SUFU: variants seen among roughly 807,000 people sequenced by gnomAD.
The protein encoded by SUFU is SUFU negative regulator of hedgehog signaling, also known as suppressor of fused homolog.
In SUFU, 7 loss-of-function variants were observed where a neutral mutation model predicts 58.9. The observed-to-expected ratio is 0.12, with a 90% CI of 0.07 to 0.22. The LOEUF (loss-of-function observed/expected upper bound fraction) is 0.22, where lower values mean the gene tolerates loss of function less well. Among genes scored for constraint, SUFU ranks in the 10% least tolerant of loss-of-function variants. SUFU has a pLI of 1.00. For missense variants in SUFU, 451 were observed against 641.3 expected, an observed-to-expected ratio of 0.70 and a Z score of 3.20; for synonymous variants, 232 against 254.8, an observed-to-expected ratio of 0.91 and a Z score of 0.85.
At position 102,617,161 on chromosome 10, in the gene SUFU, C is replaced by A; in HGVS notation, c.1158-129C>A. 8.5e-7 allele frequency: 1 copy of A among 1,175,428 alleles called. No homozygotes were observed. Among genetic ancestry groups the A allele is most frequent in the Non-Finnish European group, 1.2e-6 (1 of 802,434 alleles). The allele number at this position is 1,175,428 out of a possible 1,614,324, so 72.8% of individuals were successfully genotyped here. A position where few individuals can be genotyped will look rare whatever the true frequency, so the allele number is the denominator to read the frequency against. On this transcript the variant is annotated intron_variant, in intron 9 of 11. Transcript: ENST00000369902. This position sits in a 1 kb window ranked among gnomAD's most constrained non-coding sequence, Gnocchi z 4.4. Reference sequence around the variant, plus strand: ...AGTCCCCTGTTGATGGGCAGGTGGGCAGCCAGGAGGGCATGTTACCTGGCC... The same window carrying A: ...AGTCCCCTGTTGATGGGCAGGTGGGAAGCCAGGAGGGCATGTTACCTGGCC...
intron 2 of SUFU, among the ~76,000 whole-genome samples, chr10:102,542,806 G>C (rs934257430): frequency 2.6e-5 from 4 of 151,868 alleles, no homozygotes; most frequent in African/African-American, 9.7e-5. Flanking sequence ...TGTACTTTTT[G>C]TGGAGGCAAG....
intron 10 of SUFU, among the ~76,000 whole-genome samples, chr10:102,620,730 C>G (rs1044443331): frequency 6.6e-6 from 1 of 152,172 alleles, no homozygotes; most frequent in Non-Finnish European, 1.5e-5. Flanking sequence ...CCCAGCATTC[C>G]TCATCCTGGT....
At chr10:102,556,736 CAAA>C (rs763209229) in intron 3 of SUFU, among the ~76,000 whole-genome samples, 1 of 61,640 alleles carries the variant, frequency 1.6e-5, no homozygotes. Context: ...GAGTGAGACT[CAAA>C]AAAAAAAAAA....
chr10:102,566,566 C>A (rs191654846), intron 3 of SUFU, among the ~76,000 whole-genome samples: 1 of 152,120 alleles, frequency 6.6e-6, no homozygotes, highest in Non-Finnish European at 1.5e-5. Flanking sequence ...AGTTCTAGAC[C>A]AGCCTGGCCA....
At position 102,627,194 on chromosome 10, in the gene SUFU, T is replaced by G. The variant is rs778975698; in HGVS notation, c.1316T>G (p.Phe439Cys). ...PWLQILLTEE[F>C]VEKMLEDLED... Reference sequence around the variant, plus strand: ...TCACAGATTCTGTTGACCGAAGAGTTTGTAGAGAAAATGTTGGAGGATTTA... The same window carrying G: ...TCACAGATTCTGTTGACCGAAGAGTGTGTAGAGAAAATGTTGGAGGATTTA... Residue 439 changes from phenylalanine to cysteine, a missense_variant, in exon 11 of 12, where the codon TTT becomes TGT. By Grantham distance (205) the Phe-to-Cys change is radical (BLOSUM62 -2). Coordinates refer to ENST00000369902, the MANE Select transcript of SUFU (RefSeq NM_016169.4). 6.2e-7 allele frequency: 1 copy of G among 1,614,190 alleles called. No homozygotes were observed. The highest frequency in any genetic ancestry group is 1.7e-5 in the Admixed American group (1 of 60,022).
chr10:102,530,636 T>G (rs542810423), intron 2 of SUFU, among the ~76,000 whole-genome samples: 1 of 151,570 alleles, frequency 6.6e-6, no homozygotes. Context: ...AAATTTTTTA[T>G]AGAGATGGGG....
intron 2 of SUFU, among the ~76,000 whole-genome samples, chr10:102,516,980 G>A (rs1280248794): frequency 4.0e-5 from 6 of 151,618 alleles, no homozygotes; most frequent in African/African-American, 9.7e-5. Flanking sequence ...AAAATTAGCC[G>A]GGTGTGGTGG....
intron 2 of SUFU, among the ~76,000 whole-genome samples, chr10:102,527,275 T>C (rs1019983519): frequency 1.3e-5 from 2 of 152,052 alleles, no homozygotes; most frequent in African/African-American, 4.8e-5. Context: ...GTGCTGGGAT[T>C]ACAGGCGTGA....
In SUFU at chr10:102,617,050, G is replaced by C. The variant is rs1473400954; in HGVS notation, c.1158-240G>C. ...CTTTTGAACTCAGTGTTTTCTGCTAGCTTTGAGCACTTTGGAAGGATGATG... is the reference window on the plus strand; with the variant it reads ...CTTTTGAACTCAGTGTTTTCTGCTACCTTTGAGCACTTTGGAAGGATGATG... On this transcript the variant is annotated intron_variant, in intron 9 of 11. Coordinates refer to ENST00000369902, the MANE Select transcript of SUFU (RefSeq NM_016169.4). The surrounding 1 kb of genome is among the most constrained non-coding windows in gnomAD (Gnocchi z 4.4). Among the ~76,000 whole-genome samples, 1 of 152,228 alleles carries C rather than the reference G, an allele frequency of 6.6e-6. No individual in the cohort carries two copies. The highest frequency in any genetic ancestry group is 1.5e-5 in the Non-Finnish European group (1 of 68,046).
At chr10:102,545,967 C>T (rs1047400193) in intron 2 of SUFU, among the ~76,000 whole-genome samples, 2 of 152,130 alleles carry the variant, frequency 1.3e-5, no homozygotes, top group African/African-American at 2.4e-5. Context: ...GAGTGAGGCT[C>T]GGTCTCACAT....
At chr10:102,590,659 G>A (rs1007373148) in intron 3 of SUFU, 10 of 152,084 alleles carry the variant, frequency 6.6e-5, no homozygotes, top group Admixed American at 1.3e-4. Flanking sequence ...AAGAGTTTGC[G>A]AAAAGTTGAT....
chr10:102,541,903 CAG>C (rs2062806026), intron 2 of SUFU, among the ~76,000 whole-genome samples: 2 of 106,094 alleles, frequency 1.9e-5, no homozygotes, highest in African/African-American at 3.6e-5. Flanking sequence ...TTTTTTGAGA[CAG>C]AGTTTCGCTC....
intron 2 of SUFU, among the ~76,000 whole-genome samples, chr10:102,541,502 G>A (rs1358322103): frequency 6.7e-6 from 1 of 149,754 alleles, no homozygotes; most frequent in African/African-American, 2.5e-5. Context: ...GGGTTCAAGC[G>A]ATTCCCCTGC....
At chr10:102,532,336 C>G (rs962623641) in intron 2 of SUFU, among the ~76,000 whole-genome samples, 3 of 152,160 alleles carry the variant, frequency 2.0e-5, no homozygotes, top group African/African-American at 7.2e-5. Context: ...GGCCAGCCCT[C>G]TAGGGCAGGG....
chr10:102,619,076 A>G lies in SUFU; in HGVS notation c.1296+1648A>G, dbSNP rs1357520814. ...GTTTGACATCCTCAGCTCTGAACCT[A>G]TCCTCGGAGCTCTGCCCTCCCGTCC... is the stretch of plus-strand genomic sequence containing the variant. On this transcript the variant is annotated intron_variant, in intron 10 of 11. Coordinates refer to ENST00000369902, the MANE Select transcript of SUFU (RefSeq NM_016169.4). The surrounding 1 kb of genome is among the most constrained non-coding windows in gnomAD (Gnocchi z 4.2). The G allele has an allele frequency of 1.8e-5, 29 of 1,612,390 alleles. No individual in the cohort carries two copies. Among genetic ancestry groups the G allele is most frequent in the Non-Finnish European group, 2.3e-5 (27 of 1,179,834 alleles).
intron 3 of SUFU, among the ~76,000 whole-genome samples, chr10:102,582,754 C>T (rs569759010): frequency 1.5e-4 from 23 of 152,176 alleles, no homozygotes; most frequent in Non-Finnish European, 7.4e-5. Context: ...ACATAAAAGT[C>T]GGGTAGCTGA....
chr10:102,568,593 G>T (rs531996424), intron 3 of SUFU, among the ~76,000 whole-genome samples: 1 of 152,000 alleles, frequency 6.6e-6, no homozygotes, highest in South Asian at 2.1e-4. Context: ...CTATAGTTCA[G>T]CCGGGCACAG....
intron 2 of SUFU, among the ~76,000 whole-genome samples, chr10:102,548,513 T>C (rs760642876): frequency 6.6e-6 from 1 of 152,196 alleles, no homozygotes; most frequent in Non-Finnish European, 1.5e-5. Context: ...TTCAGGAGCT[T>C]GGTTGGCTGT....
At chr10:102,544,098 C>T (rs931519823) in intron 2 of SUFU, among the ~76,000 whole-genome samples, 1 of 151,906 alleles carries the variant, frequency 6.6e-6, no homozygotes, top group Admixed American at 6.6e-5. Flanking sequence ...GACCCTGTCT[C>T]ACAAAAAAAA....
Sources: allele counts gnomAD v4.1 joint callset (sites outside exome capture counted in the v4.1 genomes callset), GRCh38; gene constraint gnomAD v4.1.1; non-coding constraint Gnocchi (gnomAD v3.1); transcripts MANE v1.5; gene names NCBI Gene and HGNC (gene_info 2026-07-23, HGNC 2026-07-21).